Variants in GRIN2A observed in about 807,000 individuals in gnomAD.
GRIN2A encodes glutamate receptor ionotropic, NMDA 2A.
In GRIN2A, 22 loss-of-function variants were observed where a neutral mutation model predicts 113.4. The observed-to-expected ratio is 0.19, with a 90% CI of 0.14 to 0.28. The LOEUF is 0.28. GRIN2A is among the 10% of genes least tolerant of loss of function. The probability of loss-of-function intolerance (pLI) is 1.00; values close to 1 mark genes in which losing one functional copy is unlikely to be tolerated. For missense variants in GRIN2A, 1,502 were observed against 1,887.0 expected, an observed-to-expected ratio of 0.80 and a Z score of 3.78; for synonymous variants, 827 against 738.4, an observed-to-expected ratio of 1.12 and a Z score of -1.94.
In GRIN2A at chr16:9,763,299, G is replaced by T. The variant is rs777328885; in HGVS notation, c.4245C>A (p.Asp1415Glu). 2 of 1,614,142 alleles carry T rather than the reference G, an allele frequency of 1.2e-6. No homozygotes were observed. Among genetic ancestry groups the T allele is most frequent in the Admixed American group, 3.3e-5 (2 of 60,022 alleles). Reference protein sequence around the residue: ...LRSTASYCSRDSRGHNDVYIS... With the variant: ...LRSTASYCSRESRGHNDVYIS... ...TATACACATCATTGTGGCCCCGACT[G>T]TCCCTGGAACAGTACGATGCCGTTG... Residue 1415 changes from aspartate to glutamate, a missense_variant, in exon 13 of 13, where the codon GAC (aspartate) becomes GAA (glutamate). This residue lies in a region of GRIN2A where 832 missense variants were observed against 789.7 expected (regional missense o/e 1.05). Coordinates refer to ENST00000330684, the MANE Select transcript of GRIN2A (RefSeq NM_001134407.3).
intron 2 of GRIN2A, among the ~76,000 whole-genome samples, chr16:9,990,745 T>C (rs1040982558): frequency 3.9e-5 from 6 of 151,950 alleles, no homozygotes; most frequent in Admixed American, 2.6e-4. Context: ...GTAAGGTAGG[T>C]TTTGGATAAT....
At chr16:10,116,525 A>C (rs2048731313) in intron 2 of GRIN2A, among the ~76,000 whole-genome samples, 1 of 152,240 alleles carries the variant, frequency 6.6e-6, no homozygotes, top group Non-Finnish European at 1.5e-5. Context: ...AAATGAAGCA[A>C]AGGGGAATTA....
Position 9,937,751 on chromosome 16 carries a change from T to G in GRIN2A, c.1007+208A>C, listed in dbSNP as rs73504621. On this transcript the variant is annotated intron_variant, in intron 3 of 12. Coordinates refer to ENST00000330684, the MANE Select transcript of GRIN2A (RefSeq NM_001134407.3). ...ATATATTGTTGAGTAGAAAAAAAAGTTAAGTTGCAGGAAACAAAGTCTAAT... is the reference window on the plus strand; with the variant it reads ...ATATATTGTTGAGTAGAAAAAAAAGGTAAGTTGCAGGAAACAAAGTCTAAT... 4.9e-3 allele frequency: 2,899 copies of G among 591,202 alleles called. 65 individuals are homozygous for G. The highest frequency in any genetic ancestry group is 0.048 in the African/African-American group (2,599 of 53,656). 36.6% of individuals were successfully genotyped at this position (591,202 alleles called of 1,614,324 possible).
chr16:9,776,448 A>C (rs1002147516), intron 11 of GRIN2A, among the ~76,000 whole-genome samples: 16 of 152,134 alleles, frequency 1.1e-4, no homozygotes, highest in African/African-American at 3.6e-4. Context: ...GGATAACACA[A>C]GGCTCCTGTC....
intron 2 of GRIN2A, among the ~76,000 whole-genome samples, chr16:10,055,810 C>G (rs1596466859): frequency 1.3e-5 from 2 of 152,330 alleles, no homozygotes; most frequent in South Asian, 4.1e-4. Context: ...TTGTGCCTGT[C>G]TGAGGCATAT....
intron 2 of GRIN2A, among the ~76,000 whole-genome samples, chr16:10,043,935 A>G (rs1050696724): frequency 6.7e-6 from 1 of 149,060 alleles, no homozygotes; most frequent in Non-Finnish European, 1.5e-5. Flanking sequence ...ATGTGTGTAT[A>G]TATACACACA....
intron 2 of GRIN2A, among the ~76,000 whole-genome samples, chr16:10,095,283 T>A (rs2048266429): frequency 6.6e-6 from 1 of 152,150 alleles, no homozygotes; most frequent in Non-Finnish European, 1.5e-5. Flanking sequence ...GTCTATGATA[T>A]TTTGTCATGG....
At chr16:9,912,369 C>T (rs2044159951) in intron 3 of GRIN2A, among the ~76,000 whole-genome samples, 1 of 152,028 alleles carries the variant, frequency 6.6e-6, no homozygotes. Context: ...ATCATTTAGT[C>T]TCTGCCCTTT....
In GRIN2A at chr16:9,756,989, C is replaced by G. The variant is rs1900372820; in HGVS notation, c.*6160G>C. On this transcript the variant is annotated 3_prime_UTR_variant, in exon 13 of 13. Coordinates refer to ENST00000330684, the MANE Select transcript of GRIN2A (RefSeq NM_001134407.3). ...TCCCTCTATGCTTCCCTGATACATT[C>G]ATACCCTGGTGTATCAGAAGGGTTC... The G allele has an allele frequency of 1.0e-5, 2 of 196,218 alleles. No individual in the cohort carries two copies. The highest frequency in any genetic ancestry group is 8.0e-5 in the East Asian group (1 of 12,578). The allele number at this position is 196,218 out of a possible 1,614,324, so 12.2% of individuals were successfully genotyped here.
At chr16:10,142,141 G>C (rs1596547993) in intron 2 of GRIN2A, among the ~76,000 whole-genome samples, 1 of 152,088 alleles carries the variant, frequency 6.6e-6, no homozygotes. Flanking sequence ...GGGTACAAAA[G>C]AGCACGAACC....
intron 10 of GRIN2A, among the ~76,000 whole-genome samples, chr16:9,816,960 G>C (rs1464680862): frequency 2.6e-5 from 4 of 152,184 alleles, no homozygotes; most frequent in Non-Finnish European, 1.5e-5. Flanking sequence ...AGGCACAACA[G>C]ATCTGTGCCT....
chr16:10,086,808 C>T (rs1008395330), intron 2 of GRIN2A, among the ~76,000 whole-genome samples: 4 of 152,098 alleles, frequency 2.6e-5, no homozygotes, highest in African/African-American at 7.2e-5. Flanking sequence ...TCTAAAAATA[C>T]CCAGCTCATT....
intron 2 of GRIN2A, among the ~76,000 whole-genome samples, chr16:10,025,902 G>C (rs980115899): frequency 1.3e-5 from 2 of 152,182 alleles, no homozygotes; most frequent in Non-Finnish European, 2.9e-5. Context: ...GGCAGTGGAA[G>C]TTTCCTCTAA....
At chr16:9,901,523 G>A (rs1469563047) in intron 3 of GRIN2A, among the ~76,000 whole-genome samples, 1 of 152,114 alleles carries the variant, frequency 6.6e-6, no homozygotes, top group Non-Finnish European at 1.5e-5. Context: ...GCAATGGTGC[G>A]ACCTCGGCTC....
At chr16:10,166,154 T>C (rs2049918195) in intron 2 of GRIN2A, among the ~76,000 whole-genome samples, 2 of 152,194 alleles carry the variant, frequency 1.3e-5, no homozygotes. Flanking sequence ...GACAGCAGAC[T>C]AGCAAGACGA....
rs577892280 is a variant in GRIN2A, at chr16:10,008,100, G to T, written c.415-69549C>A. Among the ~76,000 whole-genome samples, 154 of 152,218 alleles carry T rather than the reference G, an allele frequency of 1.0e-3. 1 individual carries two copies. Among genetic ancestry groups the T allele is most frequent in the African/African-American group, 3.6e-3 (148 of 41,536 alleles). ...GAGCTGAACTTGAACATCTTGGGGGGAAGTAATAACACCACAGAGAGGAGG... is the reference window on the plus strand; with the variant it reads ...GAGCTGAACTTGAACATCTTGGGGGTAAGTAATAACACCACAGAGAGGAGG... On this transcript the variant is annotated intron_variant, in intron 2 of 12. Coordinates refer to ENST00000330684, the MANE Select transcript of GRIN2A (RefSeq NM_001134407.3).
chr16:9,848,270 T>C (rs908691117), intron 5 of GRIN2A, among the ~76,000 whole-genome samples: 3 of 151,074 alleles, frequency 2.0e-5, no homozygotes, highest in Non-Finnish European at 4.4e-5. Context: ...GGCTGGAGTG[T>C]AGTGGCTCGA....
At chr16:9,840,879 T>C (rs1186506932) in intron 6 of GRIN2A, 57 bp downstream of exon 6, 3 of 1,602,790 alleles carry the variant, frequency 1.9e-6, no homozygotes, top group Non-Finnish European at 8.5e-7. Context: ...CTAACATTCC[T>C]GAGGACTGCA....
intron 4 of GRIN2A, among the ~76,000 whole-genome samples, chr16:9,890,345 A>T (rs1567375579): frequency 6.6e-6 from 1 of 152,244 alleles, no homozygotes; most frequent in Non-Finnish European, 1.5e-5. Flanking sequence ...TATGTATGAG[A>T]TCATCTGTAA....
Sources: gnomAD v4.1 joint callset for allele counts (sites outside exome capture counted in the v4.1 genomes callset) on GRCh38, gnomAD v4.1.1 for gene constraint, gnomAD v4.1.1 regional missense constraint, MANE v1.5 for transcripts, NCBI Gene and HGNC (gene_info 2026-07-23, HGNC 2026-07-21) for gene names.